Variants in SLC25A21 observed in about 807,000 individuals in gnomAD.
SLC25A21 encodes mitochondrial 2-oxodicarboxylate carrier.
Under a neutral mutation model 43.8 loss-of-function variants are expected in SLC25A21, and 47 were observed. The ratio of observed to expected loss-of-function variants is 1.07; its 90% CI spans 0.85 to 1.37. The LOEUF (loss-of-function observed/expected upper bound fraction) is 1.37, where lower values mean the gene tolerates loss of function less well. Ranked by LOEUF, SLC25A21 falls within the 40% of genes most tolerant of loss-of-function variation. SLC25A21 has a pLI of 0.00. For missense variants in SLC25A21, 352 were observed against 350.2 expected (o/e 1.00, Z -0.04); for synonymous variants, 131 against 121.3 (o/e 1.08, Z -0.52).
intron 2 of SLC25A21, among the ~76,000 whole-genome samples, chr14:36,860,819 T>A (rs959997334): frequency 7.2e-5 from 11 of 152,224 alleles, no homozygotes; most frequent in African/African-American, 1.9e-4. Context: ...ATCGCAATGT[T>A]GTATTATTTC....
chr14:36,963,511 C>T (rs545496459), intron 1 of SLC25A21, among the ~76,000 whole-genome samples: 1 of 152,286 alleles, frequency 6.6e-6, no homozygotes, highest in South Asian at 2.1e-4. Flanking sequence ...GGGTTATGAT[C>T]AAAACAGACA....
At chr14:36,898,052 CT>C (rs1270190859) in intron 1 of SLC25A21, among the ~76,000 whole-genome samples, 1 of 152,220 alleles carries the variant, frequency 6.6e-6, no homozygotes, top group African/African-American at 2.4e-5. Context: ...CCACTACTCT[CT>C]TCAAAGCTGT....
At chr14:36,975,995 A>G (rs1362981891) in intron 1 of SLC25A21, among the ~76,000 whole-genome samples, 1 of 152,224 alleles carries the variant, frequency 6.6e-6, no homozygotes, top group African/African-American at 2.4e-5. Flanking sequence ...ATGTAAACCA[A>G]CACCTCAGAC....
chr14:36,739,336 C>T (rs1411667753), intron 3 of SLC25A21, among the ~76,000 whole-genome samples: 1 of 151,988 alleles, frequency 6.6e-6, no homozygotes, highest in Admixed American at 6.6e-5. Context: ...AAAAAATGAG[C>T]CCTAGGATAA....
chr14:36,780,734 G>A (rs1887025501), intron 3 of SLC25A21, among the ~76,000 whole-genome samples: 1 of 151,984 alleles, frequency 6.6e-6, no homozygotes, highest in African/African-American at 2.4e-5. Context: ...GACTTGTTTT[G>A]TGGCATAATA....
intron 1 of SLC25A21, among the ~76,000 whole-genome samples, chr14:36,995,364 A>G (rs1421110918): frequency 6.6e-6 from 1 of 152,160 alleles, no homozygotes; most frequent in Admixed American, 6.5e-5. Flanking sequence ...AAGACCTATA[A>G]TGTTAATGCT....
chr14:36,690,942 A>G (rs1594491265), intron 7 of SLC25A21, among the ~76,000 whole-genome samples: 1 of 152,158 alleles, frequency 6.6e-6, no homozygotes, highest in Non-Finnish European at 1.5e-5. Flanking sequence ...CCATTAATTT[A>G]TTTTAAAAAC....
At chr14:36,925,550 A>G (rs907248629) in intron 1 of SLC25A21, among the ~76,000 whole-genome samples, 2 of 152,202 alleles carry the variant, frequency 1.3e-5, no homozygotes, top group African/African-American at 4.8e-5. Context: ...GTATTCACCT[A>G]ATAACAGAGC....
intron 1 of SLC25A21, among the ~76,000 whole-genome samples, chr14:37,126,687 A>G (rs1282296783): frequency 6.6e-6 from 1 of 152,216 alleles, no homozygotes; most frequent in African/African-American, 2.4e-5. Context: ...AAAAGCCTAC[A>G]CGAACATGTC....
chr14:36,892,531 C>T (rs1232388337), intron 1 of SLC25A21, among the ~76,000 whole-genome samples: 1 of 151,884 alleles, frequency 6.6e-6, no homozygotes, highest in Non-Finnish European at 1.5e-5. Context: ...AACAGAAAGA[C>T]CAATACCACA....
At chr14:36,819,386 AT>A (rs367924638) in intron 2 of SLC25A21, among the ~76,000 whole-genome samples, 4,132 of 150,410 alleles carry the variant, frequency 0.027, 193 homozygotes, top group African/African-American at 0.095. Context: ...TAATTGAAGC[AT>A]TTTTTTTTTC....
intron 2 of SLC25A21, among the ~76,000 whole-genome samples, chr14:36,874,596 TAAA>T (rs1890465684): frequency 6.6e-6 from 1 of 152,216 alleles, no homozygotes; most frequent in Non-Finnish European, 1.5e-5. Context: ...TGCTGACTAT[TAAA>T]TAGAGATCTG....
Position 36,679,778 on chromosome 14 carries a change from A to G in SLC25A21, c.*880T>C. On this transcript the variant is annotated 3_prime_UTR_variant, in exon 10 of 10. Coordinates refer to ENST00000331299, the MANE Select transcript of SLC25A21 (RefSeq NM_030631.4). ...TGAATAAAGGTATTTGGATGCAAAT[A>G]CTGATGGCTGACAAATGGGTCCAAA... 1 of 985,316 alleles carries G rather than the reference A, an allele frequency of 1.0e-6. No homozygotes were observed. The highest frequency in any genetic ancestry group is 4.7e-5 in the South Asian group (1 of 21,280). The allele number at this position is 985,316 out of a possible 1,614,324, so 61.0% of individuals were successfully genotyped here.
At chr14:36,764,176 G>GAA (rs1266762690) in intron 3 of SLC25A21, among the ~76,000 whole-genome samples, 1 of 76,422 alleles carries the variant, frequency 1.3e-5, no homozygotes, top group Admixed American at 1.6e-4. Flanking sequence ...AAGAAAGAAA[G>GAA]AAAGAAAGAA....
chr14:37,031,889 A>C (rs1164480679), intron 1 of SLC25A21, among the ~76,000 whole-genome samples: 1 of 152,202 alleles, frequency 6.6e-6, no homozygotes, highest in Non-Finnish European at 1.5e-5. Context: ...TAATGGTAAA[A>C]CAACCACATT....
chr14:36,844,545 A>C (rs1370348886), intron 2 of SLC25A21, among the ~76,000 whole-genome samples: 2 of 152,168 alleles, frequency 1.3e-5, no homozygotes, highest in Admixed American at 6.5e-5. Context: ...AATCATTTCC[A>C]TTTTATTTTA....
chr14:37,030,367 G>T (rs749111611), intron 1 of SLC25A21, among the ~76,000 whole-genome samples: 3 of 151,924 alleles, frequency 2.0e-5, no homozygotes, highest in Non-Finnish European at 4.4e-5. Flanking sequence ...GTCGTTTGAG[G>T]GTCAACTGTA....
chr14:36,996,894 T>A (rs936462822), intron 1 of SLC25A21, among the ~76,000 whole-genome samples: 1 of 152,064 alleles, frequency 6.6e-6, no homozygotes, highest in Non-Finnish European at 1.5e-5. Context: ...AGAAATTAAT[T>A]CAAAAGAAAG....
At chr14:37,085,298 A>C (rs74549689) in intron 1 of SLC25A21, among the ~76,000 whole-genome samples, 1 of 152,200 alleles carries the variant, frequency 6.6e-6, no homozygotes, top group East Asian at 1.9e-4. Flanking sequence ...CAACTCTATG[A>C]TTATCTGATG....
Sources: allele counts gnomAD v4.1 joint callset (sites outside exome capture counted in the v4.1 genomes callset), GRCh38; gene constraint gnomAD v4.1.1; transcripts MANE v1.5; gene names NCBI Gene and HGNC (gene_info 2026-07-23, HGNC 2026-07-21).